The following KCNH7 variants were observed in gnomAD, a reference collection of about 807,000 sequenced individuals.
The protein encoded by KCNH7 is potassium voltage-gated channel subfamily H member 7.
In KCNH7, 49 loss-of-function variants were observed where a neutral mutation model predicts 120.8. The ratio of observed to expected loss-of-function variants is 0.41; its 90% CI spans 0.32 to 0.51. The LOEUF (loss-of-function observed/expected upper bound fraction) is 0.51, where lower values mean the gene tolerates loss of function less well. Ranked by LOEUF, KCNH7 falls within the 20% of genes least tolerant of loss-of-function variation. KCNH7 has a pLI of 0.38. For missense variants in KCNH7, 1,097 were observed against 1,446.6 expected (o/e 0.76, Z 3.92); for synonymous variants, 547 against 516.1 (o/e 1.06, Z -0.81).
At chr2:162,523,323 C>T (rs1486241830) in intron 3 of KCNH7, among the ~76,000 whole-genome samples, 1 of 151,840 alleles carries the variant, frequency 6.6e-6, no homozygotes. Context: ...ATTGACCTCC[C>T]CTAAGATCCC....
intron 2 of KCNH7, among the ~76,000 whole-genome samples, chr2:162,588,393 A>C (rs1694091260): frequency 6.6e-6 from 1 of 152,130 alleles, no homozygotes; most frequent in South Asian, 2.1e-4. Flanking sequence ...TTAATTTTTT[A>C]CTATTAACTG....
At chr2:162,414,246 A>C (rs1687476606) in intron 9 of KCNH7, among the ~76,000 whole-genome samples, 1 of 152,012 alleles carries the variant, frequency 6.6e-6, no homozygotes, top group South Asian at 2.1e-4. Flanking sequence ...TCTTTAACTC[A>C]AAAATCCCTT....
intron 2 of KCNH7, among the ~76,000 whole-genome samples, chr2:162,545,311 T>A (rs1054320799): frequency 7.2e-5 from 11 of 152,218 alleles, no homozygotes; most frequent in Non-Finnish European, 1.5e-5. Context: ...TTTATTTGAC[T>A]CTGAAGTCCT....
chr2:162,567,435 T>C (rs559961583), intron 2 of KCNH7, among the ~76,000 whole-genome samples: 3 of 152,076 alleles, frequency 2.0e-5, no homozygotes, highest in East Asian at 1.9e-4. Flanking sequence ...ATCATACATG[T>C]TGATTTTCTG....
intron 7 of KCNH7, among the ~76,000 whole-genome samples, chr2:162,442,777 G>A (rs1019442363): frequency 2.6e-5 from 4 of 152,058 alleles, no homozygotes; most frequent in African/African-American, 9.7e-5. Context: ...GATCACTTGA[G>A]CCCAGGAGGC....
In KCNH7 at chr2:162,375,585, T is replaced by A. The variant is rs186672563; in HGVS notation, c.3132-1923A>T. ...TTGCTGATAGGTTTTTTTATATGCA[T>A]AGGGTTGTATTTCAGTGTTTTATGA... On this transcript the variant is annotated intron_variant, in intron 14 of 15. Coordinates refer to ENST00000332142, the MANE Select transcript of KCNH7 (RefSeq NM_033272.4). Among the ~76,000 whole-genome samples the A allele has an allele frequency of 9.7e-4, 147 of 152,196 alleles. 2 individuals are homozygous for A. The highest frequency in any genetic ancestry group is 3.4e-3 in the African/African-American group (142 of 41,546).
At chr2:162,543,449 T>C (rs1227403105) in intron 2 of KCNH7, among the ~76,000 whole-genome samples, 1 of 152,130 alleles carries the variant, frequency 6.6e-6, no homozygotes, top group African/African-American at 2.4e-5. Flanking sequence ...ACCTGTCATT[T>C]AAAAATGAAG....
At chr2:162,700,482 T>C (rs536285230) in intron 2 of KCNH7, among the ~76,000 whole-genome samples, 1 of 152,188 alleles carries the variant, frequency 6.6e-6, no homozygotes, top group Admixed American at 6.5e-5. Flanking sequence ...ATCTTTTTGG[T>C]ACGTATGGGA....
chr2:162,426,433 T>C (rs1327679203), intron 8 of KCNH7, among the ~76,000 whole-genome samples: 3 of 152,126 alleles, frequency 2.0e-5, no homozygotes, highest in African/African-American at 7.2e-5. Context: ...CAAAAGCAAG[T>C]TGACAGACTA....
chr2:162,523,968 C>T (rs993217543), intron 3 of KCNH7, among the ~76,000 whole-genome samples: 3 of 151,798 alleles, frequency 2.0e-5, no homozygotes, highest in East Asian at 3.9e-4. Context: ...GCAAATTAGA[C>T]ACCATGATGA....
chr2:162,752,080 ATGAT>A lies in KCNH7; in HGVS notation c.307+84453_307+84456del, dbSNP rs574339092. Among the ~76,000 whole-genome samples, 90 of 152,264 alleles carry A rather than the reference ATGAT, an allele frequency of 5.9e-4. 1 individual carries two copies. Among genetic ancestry groups the A allele is most frequent in the African/African-American group, 2.1e-3 (89 of 41,584 alleles). On this transcript the variant is annotated intron_variant, in intron 2 of 15. Coordinates refer to ENST00000332142, the MANE Select transcript of KCNH7 (RefSeq NM_033272.4). The stretch of plus-strand genomic sequence containing the variant: ...GTTAATGACTTCCTTATTTTTGTCT[ATGAT>A]TTTCTCATCAATGTTTAAATAAAAG...
chr2:162,824,131 A>T (rs1039748961), intron 2 of KCNH7, among the ~76,000 whole-genome samples: 4 of 152,206 alleles, frequency 2.6e-5, no homozygotes, highest in Non-Finnish European at 2.9e-5. Flanking sequence ...AAAAAGTATT[A>T]ACTCTTTGAG....
At chr2:162,542,586 T>C (rs1444414253) in intron 2 of KCNH7, among the ~76,000 whole-genome samples, 1 of 152,058 alleles carries the variant, frequency 6.6e-6, no homozygotes, top group Non-Finnish European at 1.5e-5. Context: ...GGACTCATCA[T>C]TTTTTATGGC....
intron 2 of KCNH7, among the ~76,000 whole-genome samples, chr2:162,728,948 T>C (rs1687622855): frequency 6.6e-6 from 1 of 152,176 alleles, no homozygotes; most frequent in African/African-American, 2.4e-5. Context: ...CTTAGATCAA[T>C]GATCTATTTT....
intron 6 of KCNH7, among the ~76,000 whole-genome samples, chr2:162,487,619 T>A (rs1004005417): frequency 2.0e-5 from 3 of 152,184 alleles, no homozygotes; most frequent in African/African-American, 7.2e-5. Flanking sequence ...ATGAACTCTT[T>A]AGAAACAATT....
intron 7 of KCNH7, among the ~76,000 whole-genome samples, chr2:162,443,611 T>C (rs571469025): frequency 5.9e-5 from 9 of 152,338 alleles, no homozygotes; most frequent in African/African-American, 1.4e-4. Flanking sequence ...TCTTTACTTT[T>C]CTTCATTTCT....
intron 14 of KCNH7, among the ~76,000 whole-genome samples, chr2:162,377,682 C>T (rs1686256562): frequency 6.6e-6 from 1 of 152,112 alleles, no homozygotes; most frequent in Non-Finnish European, 1.5e-5. Flanking sequence ...ATCAGGCATA[C>T]ATCCCTCTCT....
chr2:162,586,772 A>G (rs73026667), intron 2 of KCNH7, among the ~76,000 whole-genome samples: 4,243 of 151,894 alleles, frequency 0.028, 221 homozygotes, highest in African/African-American at 0.098. Context: ...TGCAAAATAT[A>G]TGAATTTCTT....
intron 12 of KCNH7, among the ~76,000 whole-genome samples, chr2:162,385,488 A>C (rs1558919351): frequency 6.6e-6 from 1 of 151,936 alleles, no homozygotes; most frequent in Non-Finnish European, 1.5e-5. Context: ...TGTGTAGCAT[A>C]ATGCAAAGAA....
Sources: gnomAD v4.1 joint callset for allele counts (sites outside exome capture counted in the v4.1 genomes callset) on GRCh38, gnomAD v4.1.1 for gene constraint, MANE v1.5 for transcripts, NCBI Gene and HGNC (gene_info 2026-07-23, HGNC 2026-07-21) for gene names.